Variants in WIPF2 observed in about 807,000 individuals in gnomAD.
The protein encoded by WIPF2 is WAS/WASL interacting protein family member 2.
A neutral mutation model predicts 38.8 loss-of-function variants in WIPF2; 23 were observed. The ratio of observed to expected loss-of-function variants is 0.59; its 90% CI spans 0.43 to 0.84. The LOEUF (loss-of-function observed/expected upper bound fraction) is 0.84, where lower values mean the gene tolerates loss of function less well. Ranked by LOEUF, WIPF2 falls within the 40% of genes least tolerant of loss-of-function variation. The pLI is 0.00. For missense variants in WIPF2, 574 were observed against 580.5 expected, an observed-to-expected ratio of 0.99 and a Z score of 0.11; for synonymous variants, 210 against 223.2, an observed-to-expected ratio of 0.94 and a Z score of 0.53.
At chr17:40,252,848 C>T (rs1235827196) in intron 1 of WIPF2, among the ~76,000 whole-genome samples, 1 of 151,618 alleles carries the variant, frequency 6.6e-6, no homozygotes, top group Non-Finnish European at 1.5e-5. Context: ...ACCACAACCT[C>T]CGCCTTCCAG....
chr17:40,252,922 T>A (rs1423791579), intron 1 of WIPF2, among the ~76,000 whole-genome samples: 4 of 151,264 alleles, frequency 2.6e-5, no homozygotes, highest in Non-Finnish European at 5.9e-5. Context: ...TGTGCCACCA[T>A]GCCTGGCTAA....
chr17:40,278,179 T>C lies in WIPF2; in HGVS notation c.1283-6T>C, dbSNP rs2032465665. 8 of 1,612,612 alleles carry C rather than the reference T, an allele frequency of 5.0e-6. No homozygotes were observed. Among genetic ancestry groups the C allele is most frequent in the Admixed American group, 1.7e-5 (1 of 59,766 alleles). On this transcript the variant is annotated splice_region_variant and splice_polypyrimidine_tract_variant and intron_variant, in intron 7 of 7. Coordinates refer to ENST00000323571, the MANE Select transcript of WIPF2 (RefSeq NM_133264.5). ...TGTGTGTGGTCTTTATTTTGTTTTT[T>C]TTCAGCTGCCCGTGGAGCCCCACCT...
At chr17:40,264,184 T>C (rs975729739) in intron 4 of WIPF2, among the ~76,000 whole-genome samples, 5 of 151,192 alleles carry the variant, frequency 3.3e-5, no homozygotes, top group South Asian at 4.2e-4. Context: ...AATACAAAAA[T>C]CAGCCAGGTG....
chr17:40,245,831 T>C (rs1404677280), intron 1 of WIPF2, among the ~76,000 whole-genome samples: 1 of 152,152 alleles, frequency 6.6e-6, no homozygotes, highest in East Asian at 1.9e-4. Flanking sequence ...TCTAGAAAAA[T>C]ACTTTGGCAC....
intron 1 of WIPF2, among the ~76,000 whole-genome samples, chr17:40,221,522 C>CT (rs969074771): frequency 6.6e-6 from 1 of 151,856 alleles, no homozygotes; most frequent in Non-Finnish European, 1.5e-5. Flanking sequence ...TTGCTTGAGT[C>CT]TAAGAGTTCG....
At position 40,283,153 on chromosome 17, in the gene WIPF2, T is replaced by TAAAAAAAAAAAAAAA. The variant is rs71152662; in HGVS notation, c.*4953_*4967dup. ...CTGAGCTGAGATCATGCCACTGCAC[T>TAAAAAAAAAAAAAAA]AAAAAAAAAAAAAAAAAAAAAAAAA... On this transcript the variant is annotated 3_prime_UTR_variant, in exon 8 of 8. Coordinates refer to ENST00000323571, the MANE Select transcript of WIPF2 (RefSeq NM_133264.5). 2.3e-4 allele frequency: 4 copies of TAAAAAAAAAAAAAAA among 17,356 alleles called. 1 individual carries two copies. Among genetic ancestry groups the TAAAAAAAAAAAAAAA allele is most frequent in the Non-Finnish European group, 4.2e-4 (4 of 9,576 alleles). The allele number at this position is 17,356 out of a possible 1,614,324, so 1.1% of individuals were successfully genotyped here.
intron 1 of WIPF2, among the ~76,000 whole-genome samples, chr17:40,232,665 G>A (rs1464524035): frequency 6.7e-6 from 1 of 150,054 alleles, no homozygotes; most frequent in South Asian, 2.1e-4. Context: ...TTTTGAGGTG[G>A]AGTTTCACTC....
At chr17:40,276,848 G>A (rs1343435831) in intron 6 of WIPF2, among the ~76,000 whole-genome samples, 2 of 152,072 alleles carry the variant, frequency 1.3e-5, no homozygotes, top group Non-Finnish European at 2.9e-5. Flanking sequence ...AATAAAGAAT[G>A]GGCTCAAAGA....
intron 1 of WIPF2, among the ~76,000 whole-genome samples, chr17:40,235,652 CA>C (rs2030939410): frequency 6.7e-6 from 1 of 149,916 alleles, no homozygotes; most frequent in Admixed American, 6.8e-5. Flanking sequence ...CAGCTCACCA[CA>C]ACCTCCGCCT....
chr17:40,232,378 C>T (rs1172503214), intron 1 of WIPF2, among the ~76,000 whole-genome samples: 1 of 151,298 alleles, frequency 6.6e-6, no homozygotes, highest in African/African-American at 2.4e-5. Flanking sequence ...TTAGTAGAGA[C>T]AGGGTTTCAC....
chr17:40,278,232 G>A lies in WIPF2; in HGVS notation c.*7G>A, dbSNP rs1180356112. ...GCCACCCATTCTCAGGTGAAGCCTGGCTTGGTCCCGTTCCTCAGGAAAAGG... is the reference window on the plus strand; with the variant it reads ...GCCACCCATTCTCAGGTGAAGCCTGACTTGGTCCCGTTCCTCAGGAAAAGG... On this transcript the variant is annotated 3_prime_UTR_variant, in exon 8 of 8. Coordinates refer to ENST00000323571, the MANE Select transcript of WIPF2 (RefSeq NM_133264.5). 1 of 1,613,608 alleles carries A rather than the reference G, an allele frequency of 6.2e-7. No individual in the cohort carries two copies. Among genetic ancestry groups the A allele is most frequent in the South Asian group, 1.1e-5 (1 of 90,930 alleles).
chr17:40,265,241 C>T (rs2145390414), intron 5 of WIPF2, 95 bp downstream of exon 5: 1 of 1,426,188 alleles, frequency 7.0e-7, no homozygotes, highest in Non-Finnish European at 9.5e-7. Context: ...CGTTTATTCA[C>T]TCAGTGGGTT....
At chr17:40,220,323 G>GT (rs1198164302) in intron 1 of WIPF2, 11 of 151,874 alleles carry the variant, frequency 7.2e-5, no homozygotes, top group South Asian at 4.1e-4. Context: ...GTATGGTCGA[G>GT]TTTTTTATCA....
intron 1 of WIPF2, among the ~76,000 whole-genome samples, chr17:40,228,055 G>A (rs1399020089): frequency 2.9e-5 from 3 of 104,540 alleles, no homozygotes; most frequent in African/African-American, 3.9e-5. Context: ...TCGCTCTGTC[G>A]CCCAGGCTGG....
At chr17:40,274,043 T>C in intron 6 of WIPF2, 44 bp downstream of exon 6, 1 of 1,463,822 alleles carries the variant, frequency 6.8e-7, no homozygotes, top group Non-Finnish European at 9.1e-7. Context: ...CTGCGGTGAC[T>C]TCACCCACTC....
At chr17:40,252,319 G>A (rs2031584307) in intron 1 of WIPF2, among the ~76,000 whole-genome samples, 1 of 151,978 alleles carries the variant, frequency 6.6e-6, no homozygotes, top group Admixed American at 6.6e-5. Context: ...GTCTTTTTTG[G>A]GTCATTCTAG....
At position 40,261,921 on chromosome 17, in the gene WIPF2, G is replaced by A. The variant is rs954809892; in HGVS notation, c.197-604G>A. On this transcript the variant is annotated intron_variant, in intron 3 of 7. Coordinates refer to ENST00000323571, the MANE Select transcript of WIPF2 (RefSeq NM_133264.5). ...CATCTCCTGACCTCATGATCCGCCC[G>A]CCTCCGCCTCCGCCTCCCAAAGTGC... Among the ~76,000 whole-genome samples the A allele has an allele frequency of 3.5e-5, 4 of 114,520 alleles. No homozygotes were observed. The South Asian group carries it at 8.2e-4, about 23-fold the overall frequency. 75.1% of individuals were successfully genotyped at this position (114,520 alleles called of 152,430 possible). A position where few individuals can be genotyped will look rare whatever the true frequency, so the allele number is the denominator to read the frequency against.
Position 40,264,921 on chromosome 17 carries a change from G to GCTC in WIPF2, c.756_758dup (p.Pro254dup). ...AACAGGACCAAGTGGCCAGTCTCTG[G>GCTC]CTCCTCCTCCTCCGCCTTACCGCCA... is the stretch of plus-strand genomic sequence containing the variant. On this transcript the variant is annotated inframe_insertion, in exon 5 of 8. Transcript: ENST00000323571. 3 of 1,614,092 alleles carry GCTC rather than the reference G, an allele frequency of 1.9e-6. No individual in the cohort carries two copies. Among genetic ancestry groups the GCTC allele is most frequent in the Non-Finnish European group, 2.5e-6 (3 of 1,180,004 alleles).
chr17:40,258,365 G>A lies in WIPF2; in HGVS notation c.63+1843G>A, dbSNP rs574286366. Among the ~76,000 whole-genome samples, 589 of 152,088 alleles carry A rather than the reference G, an allele frequency of 3.9e-3. 2 individuals carry two copies. Among genetic ancestry groups the A allele is most frequent in the African/African-American group, 0.014 (566 of 41,474 alleles). On this transcript the variant is annotated intron_variant, in intron 2 of 7. Transcript: ENST00000323571. ...ACCCAGCACTTTGGGAGGCCGAGGC[G>A]GGCAGATCACGAGGTCAGGAGATTG...
Sources: gnomAD v4.1 joint callset for allele counts (sites outside exome capture counted in the v4.1 genomes callset) on GRCh38, gnomAD v4.1.1 for gene constraint, MANE v1.5 for transcripts, NCBI Gene and HGNC (gene_info 2026-07-23, HGNC 2026-07-21) for gene names.